Variants in TENM2 observed in about 807,000 individuals in gnomAD.
The protein encoded by TENM2 is teneurin transmembrane protein 2.
A neutral mutation model predicts 245.2 loss-of-function variants in TENM2; 52 were observed. The observed-to-expected ratio is 0.21, with a 90% confidence interval of 0.17 to 0.27. The LOEUF (loss-of-function observed/expected upper bound fraction) is 0.27, where lower values mean the gene tolerates loss of function less well. TENM2 is among the 10% of genes least tolerant of loss of function. The pLI, the probability that TENM2 is intolerant of heterozygous loss-of-function variation, is 1.00. For synonymous variants in TENM2, 1,363 were observed against 1,438.9 expected, an observed-to-expected ratio of 0.95 and a Z score of 1.19; for missense variants, 3,046 against 3,666.8, an observed-to-expected ratio of 0.83 and a Z score of 4.37.
At chr5:168,018,481 G>A (rs769080759) in intron 5 of TENM2, among the ~76,000 whole-genome samples, 26 of 151,408 alleles carry the variant, frequency 1.7e-4, no homozygotes, top group Non-Finnish European at 3.2e-4. Context: ...CTCTTCTTGG[G>A]TCTCTTTTGT....
At position 167,590,636 on chromosome 5, in the gene TENM2, T is replaced by G. The variant is rs569656361; in HGVS notation, c.502+215163T>G. 7.2e-5 allele frequency among the ~76,000 whole-genome samples: 11 copies of G among 152,292 alleles called. No homozygotes were observed. The South Asian group carries it at 2.3e-3, about 32-fold the overall frequency. On this transcript the variant is annotated intron_variant, in intron 2 of 28. Transcript: ENST00000518659. ...TTATTCAGTTGTATCTGTATGTGTA[T>G]GTAGAAAAGCAGAAAAATGGTGCCA...
At chr5:167,082,396 GC>G in the TENM2 span, among the ~76,000 whole-genome samples, 2 of 152,034 alleles carry the variant, frequency 1.3e-5, no homozygotes, top group African/African-American at 4.8e-5. Context: ...CAATTCTCCT[GC>G]CTCGGCCTCC....
the TENM2 span, among the ~76,000 whole-genome samples, chr5:167,132,224 A>G: frequency 0.02 from 3,116 of 152,304 alleles, 41 homozygotes; most frequent in Non-Finnish European, 0.031. Context: ...ATACACGTCT[A>G]TAAAATTTTA....
chr5:167,154,605 C>G, the TENM2 span, among the ~76,000 whole-genome samples: 2 of 152,136 alleles, frequency 1.3e-5, no homozygotes, highest in Non-Finnish European at 2.9e-5. Context: ...CAATAGAAGA[C>G]AAACTGAAAT....
At chr5:167,138,472 T>C in the TENM2 span, among the ~76,000 whole-genome samples, 1 of 152,252 alleles carries the variant, frequency 6.6e-6, no homozygotes, top group Non-Finnish European at 1.5e-5. Context: ...GAAATAGTAG[T>C]AGACTAATCT....
chr5:168,223,719 C>T (rs541916364), intron 23 of TENM2, among the ~76,000 whole-genome samples: 1 of 152,230 alleles, frequency 6.6e-6, no homozygotes, highest in South Asian at 2.1e-4. Flanking sequence ...CCCGCCTCAG[C>T]CTCCCAAAGT....
intron 2 of TENM2, among the ~76,000 whole-genome samples, chr5:167,637,609 G>T (rs1267468814): frequency 6.6e-6 from 1 of 152,130 alleles, no homozygotes; most frequent in Non-Finnish European, 1.5e-5. Context: ...AGAAAATGTG[G>T]CACATATACA....
At chr5:168,080,253 A>G (rs1156333933) in intron 7 of TENM2, among the ~76,000 whole-genome samples, 2 of 152,112 alleles carry the variant, frequency 1.3e-5, no homozygotes, top group African/African-American at 4.8e-5. Flanking sequence ...GGTAGTTTGT[A>G]TTTCTGTGGG....
At chr5:167,062,264 C>A in the TENM2 span, among the ~76,000 whole-genome samples, 1 of 151,878 alleles carries the variant, frequency 6.6e-6, no homozygotes, top group South Asian at 2.1e-4. Context: ...AGTTGAATAT[C>A]GCTTGGATTG....
chr5:168,187,546 A>G (rs1760580609), intron 13 of TENM2: 1 of 152,204 alleles, frequency 6.6e-6, no homozygotes, highest in African/African-American at 2.4e-5. Context: ...TCACCTGAGA[A>G]GCTTCTTGTG....
intron 2 of TENM2, among the ~76,000 whole-genome samples, chr5:167,695,433 A>G (rs1757696177): frequency 6.6e-6 from 1 of 152,206 alleles, no homozygotes; most frequent in Non-Finnish European, 1.5e-5. Flanking sequence ...GCCATTAAAA[A>G]AATATAAAAC....
At chr5:167,320,649 G>C (rs1007922001) in intron 1 of TENM2, among the ~76,000 whole-genome samples, 1 of 152,136 alleles carries the variant, frequency 6.6e-6, no homozygotes, top group Non-Finnish European at 1.5e-5. Flanking sequence ...ATAAAAGAGC[G>C]AGTTGAGCCC....
chr5:167,851,307 G>T (rs2151210250), intron 2 of TENM2, among the ~76,000 whole-genome samples: 1 of 152,232 alleles, frequency 6.6e-6, no homozygotes, highest in South Asian at 2.1e-4. Flanking sequence ...AGAAAAGCTA[G>T]ATTAATGCTT....
At chr5:167,084,424 A>G in the TENM2 span, among the ~76,000 whole-genome samples, 4 of 142,290 alleles carry the variant, frequency 2.8e-5, no homozygotes, top group Non-Finnish European at 6.1e-5. Flanking sequence ...AAATGTTGAA[A>G]TTCAGTAACA....
intron 2 of TENM2, among the ~76,000 whole-genome samples, chr5:167,378,510 A>G (rs79867368): frequency 6.6e-6 from 1 of 151,360 alleles, no homozygotes; most frequent in East Asian, 1.9e-4. Flanking sequence ...GATTCATGTT[A>G]TCTTTTCAGG....
At chr5:167,796,132 T>C (rs1765299980) in intron 2 of TENM2, among the ~76,000 whole-genome samples, 1 of 152,198 alleles carries the variant, frequency 6.6e-6, no homozygotes, top group Non-Finnish European at 1.5e-5. Context: ...TTGTCTCCAC[T>C]GACACCACCA....
intron 2 of TENM2, among the ~76,000 whole-genome samples, chr5:167,520,985 A>G (rs1338933318): frequency 1.3e-5 from 2 of 148,334 alleles, no homozygotes; most frequent in Non-Finnish European, 3.0e-5. Context: ...CTGCCTATAA[A>G]TCAGGGCTCG....
At chr5:167,532,623 T>C (rs1771582516) in intron 2 of TENM2, among the ~76,000 whole-genome samples, 1 of 151,682 alleles carries the variant, frequency 6.6e-6, no homozygotes. Context: ...ACCAAGTTCT[T>C]CCCACAGCCT....
At chr5:168,115,229 G>C (rs1279489371) in intron 9 of TENM2, among the ~76,000 whole-genome samples, 1 of 151,682 alleles carries the variant, frequency 6.6e-6, no homozygotes, top group Non-Finnish European at 1.5e-5. Flanking sequence ...GGAGGCAGAG[G>C]TTGCAGTGAG....
Sources: allele counts gnomAD v4.1 joint callset (sites outside exome capture counted in the v4.1 genomes callset), GRCh38; gene constraint gnomAD v4.1.1; transcripts MANE v1.5; gene names NCBI Gene and HGNC (gene_info 2026-07-23, HGNC 2026-07-21).